Variants in CSF2RA observed in about 807,000 individuals in gnomAD.
CSF2RA encodes colony stimulating factor 2 receptor subunit alpha.
CSF2RA carries 42 observed loss-of-function variants against 51.6 expected under a neutral mutation model. That is an observed-to-expected ratio of 0.81 (90% CI 0.64 to 1.05). The LOEUF (loss-of-function observed/expected upper bound fraction) is 1.05. CSF2RA is among the 50% of genes least tolerant of loss of function. The pLI is 0.00. For synonymous variants in CSF2RA, 222 were observed against 193.0 expected (o/e 1.15, Z -1.24); for missense variants, 530 against 501.1 (o/e 1.06, Z -0.55).
At chrX:1,279,951 G>A (rs1209744670) in intron 2 of CSF2RA, among the ~76,000 whole-genome samples, 5 of 151,596 alleles carry the variant, frequency 3.3e-5, no homozygotes, top group South Asian at 2.1e-4. Flanking sequence ...CACCCCACCC[G>A]GCTAATTTTT....
At chrX:1,323,078 G>C in the CSF2RA span, among the ~76,000 whole-genome samples, 1 of 151,510 alleles carries the variant, frequency 6.6e-6, no homozygotes, top group African/African-American at 2.4e-5. Flanking sequence ...GCAGTGAGCC[G>C]AGATCGCGCC....
At chrX:1,288,972 CT>C in intron 6 of CSF2RA, 84 bp downstream of exon 6, 2 of 1,582,696 alleles carry the variant, frequency 1.3e-6, no homozygotes, top group South Asian at 1.1e-5. Context: ...TTTCCTTTTT[CT>C]TTTTTTAAGA....
intron 12 of CSF2RA, among the ~76,000 whole-genome samples, chrX:1,307,727 A>C (rs2083782478): frequency 8.3e-6 from 1 of 120,822 alleles, no homozygotes; most frequent in South Asian, 2.9e-4. Flanking sequence ...CCTTCGACTG[A>C]TTAGATGAGG....
intron 1 of CSF2RA, among the ~76,000 whole-genome samples, chrX:1,270,450 G>A (rs1221295007): frequency 6.6e-6 from 1 of 151,940 alleles, no homozygotes; most frequent in African/African-American, 2.4e-5. Flanking sequence ...TGTTTCCCGG[G>A]CTGGTCTTGA....
intron 2 of CSF2RA, among the ~76,000 whole-genome samples, chrX:1,276,040 G>T (rs1204714178): frequency 6.8e-6 from 1 of 147,932 alleles, no homozygotes; most frequent in Non-Finnish European, 1.5e-5. Flanking sequence ...TCACTCTGTC[G>T]CCCAGGCTGG....
At chrX:1,300,652 T>G (rs758917640) in intron 10 of CSF2RA, 26 bp downstream of exon 10, 11 of 1,613,716 alleles carry the variant, frequency 6.8e-6, no homozygotes, top group Non-Finnish European at 8.5e-6. Flanking sequence ...AGGTAAGGGA[T>G]GTTTGTGCCG....
rs191472922 is a variant in CSF2RA at position 1,283,153 on chromosome X, T to C, written c.76+374T>C. On this transcript the variant is annotated intron_variant, in intron 3 of 12. Coordinates refer to ENST00000381529, the MANE Select transcript of CSF2RA (RefSeq NM_172245.4). ...TTCCTTCCTTCCTTCCTTCCTTCCT[T>C]CGTTCCTTCCTTCGTTCCTTCCTTC... Among the ~76,000 whole-genome samples the C allele has an allele frequency of 7.3e-5, 5 of 68,674 alleles. No individual in the cohort carries two copies. The South Asian group carries it at 2.5e-3, about 34-fold the overall frequency. 45.1% of individuals were successfully genotyped at this position (68,674 alleles called of 152,430 possible). A position where few individuals can be genotyped will look rare whatever the true frequency, so the allele number is the denominator to read the frequency against.
chrX:1,276,224 G>C lies in CSF2RA; in HGVS notation c.-27+1406G>C, dbSNP rs1248538180. Among the ~76,000 whole-genome samples, 3 of 151,468 alleles carry C rather than the reference G, an allele frequency of 2.0e-5. No individual in the cohort carries two copies. The Admixed American group carries it at 2.0e-4, about 10-fold the overall frequency. On this transcript the variant is annotated intron_variant, in intron 2 of 12. Coordinates refer to ENST00000381529, the MANE Select transcript of CSF2RA (RefSeq NM_172245.4). ...TTGTTTTTGTTTTTCAGTAGACACAGGGTTTCACTATGTTGGCCAGGCTGG... is the reference window on the plus strand; with the variant it reads ...TTGTTTTTGTTTTTCAGTAGACACACGGTTTCACTATGTTGGCCAGGCTGG...
chrX:1,306,862 GGA>G (rs60163712), intron 12 of CSF2RA, among the ~76,000 whole-genome samples: 24 of 149,654 alleles, frequency 1.6e-4, no homozygotes, highest in Admixed American at 6.0e-4. Context: ...CACAGAGAGG[GGA>G]GAGAGAGAGA....
rs190108845 is a variant in CSF2RA, at chrX:1,287,595, C to G, written c.220-924C>G. The stretch of plus-strand genomic sequence containing the variant: ...AGTAGCTGGGATTACAGGTGCCCAC[C>G]ACCACACCTGGCTAATTTTTGTATT... On this transcript the variant is annotated intron_variant, in intron 4 of 12. Coordinates refer to ENST00000381529, the MANE Select transcript of CSF2RA (RefSeq NM_172245.4). Among the ~76,000 whole-genome samples, 468 of 147,938 alleles carry G rather than the reference C, an allele frequency of 3.2e-3. 4 individuals carry two copies. The highest frequency in any genetic ancestry group is 0.011 in the African/African-American group (454 of 39,938).
intron 4 of CSF2RA, 21 bp from the exon 5 acceptor site, chrX:1,288,498 T>G (rs775235232): frequency 1.2e-6 from 2 of 1,613,808 alleles, no homozygotes; most frequent in Admixed American, 1.7e-5. Flanking sequence ...TAATCGGCTC[T>G]GTCTGGTTGC....
rs775973993 is a variant in CSF2RA at position 1,294,407 on chromosome X, C to A, written c.726C>A (p.Thr242=). The A allele has an allele frequency of 8.9e-5, 144 of 1,613,826 alleles. No homozygotes were observed. Among genetic ancestry groups the A allele is most frequent in the Non-Finnish European group, 1.2e-4 (144 of 1,179,872 alleles). Residue 242 remains threonine, a synonymous_variant, in exon 8 of 13, where the codon ACC becomes ACA. Coordinates refer to ENST00000381529, the MANE Select transcript of CSF2RA (RefSeq NM_172245.4). ...HCLVRWKQPR[T]YQKLSYLDFQ... ...TCGTACGGTGGAAACAGCCCAGGAC[C>A]TATCAGAAGCTGTCGTACCTGGACT... is the stretch of plus-strand genomic sequence containing the variant.
intron 12 of CSF2RA, among the ~76,000 whole-genome samples, chrX:1,307,306 T>C (rs2083672915): frequency 6.6e-6 from 1 of 152,194 alleles, no homozygotes; most frequent in Admixed American, 6.6e-5. Flanking sequence ...AGGCCCACTC[T>C]TCTCCTTTAC....
intron 7 of CSF2RA, among the ~76,000 whole-genome samples, chrX:1,291,150 G>C (rs1356885057): frequency 6.6e-6 from 1 of 152,002 alleles, no homozygotes. Context: ...TCGAACTCCT[G>C]ACCTCAGATG....
intron 12 of CSF2RA, among the ~76,000 whole-genome samples, chrX:1,307,585 C>CTTT: frequency 1.6e-5 from 2 of 123,534 alleles, no homozygotes; most frequent in Non-Finnish European, 3.6e-5. Flanking sequence ...TGAGGCCCAC[C>CTTT]CTTCCCCCTT....
chrX:1,320,719 G>A, the CSF2RA span, among the ~76,000 whole-genome samples: 5 of 147,036 alleles, frequency 3.4e-5, no homozygotes, highest in Non-Finnish European at 7.5e-5. Context: ...CGCCATGTTG[G>A]CCAGGATGGT....
intron 7 of CSF2RA, 37 bp from the exon 8 acceptor site, chrX:1,294,291 C>T (rs1366534497): frequency 3.1e-6 from 5 of 1,611,624 alleles, no homozygotes; most frequent in Non-Finnish European, 3.4e-6. Context: ...GACAGGACCT[C>T]TCGGGTTCAG....
At chrX:1,304,790 G>A (rs377676491) in intron 11 of CSF2RA, among the ~76,000 whole-genome samples, 24 of 151,314 alleles carry the variant, frequency 1.6e-4, no homozygotes, top group East Asian at 1.2e-3. Context: ...TCAGCCTCCC[G>A]AGTAGCTGGG....
chrX:1,314,972 G>GCCTAACCGCACTGCA (rs2084501970), downstream of CSF2RA, among the ~76,000 whole-genome samples: 2 of 45,196 alleles, frequency 4.4e-5, no homozygotes, highest in African/African-American at 1.5e-4. Flanking sequence ...ACCCCACTGT[G>GCCTAACCGCACTGCA]CCTGCCCAAT....
Sources: gnomAD v4.1 joint callset for allele counts (sites outside exome capture counted in the v4.1 genomes callset) on GRCh38, gnomAD v4.1.1 for gene constraint, MANE v1.5 for transcripts, NCBI Gene and HGNC (gene_info 2026-07-23, HGNC 2026-07-21) for gene names.